Variants in MEIOC observed in about 807,000 individuals in gnomAD.
MEIOC encodes meiosis-specific coiled-coil domain-containing protein MEIOC.
Under a neutral mutation model 85.3 loss-of-function variants are expected in MEIOC, and 9 were observed. The ratio of observed to expected loss-of-function variants is 0.11; its 90% confidence interval spans 0.06 to 0.18. The LOEUF is 0.18. MEIOC is among the 10% of genes least tolerant of loss of function. The pLI is 1.00. For synonymous variants in MEIOC, 365 were observed against 393.7 expected (o/e 0.93, Z 0.86); for missense variants, 898 against 1,129.4 (o/e 0.80, Z 2.94).
intron 6 of MEIOC, 52 bp downstream of exon 6, chr17:44,669,569 TA>T (rs1211570397): frequency 1.3e-6 from 2 of 1,540,696 alleles, no homozygotes; most frequent in South Asian, 2.4e-5. Context: ...AAATTTTTTT[TA>T]AGTTTCAGGC....
chr17:44,665,617 G>T, intron 4 of MEIOC, 129 bp downstream of exon 4: 1 of 403,428 alleles, frequency 2.5e-6, no homozygotes. Flanking sequence ...TTCAAATATT[G>T]TTTCAAGGAG....
Position 44,666,671 on chromosome 17 carries a change from G to T in MEIOC, c.760G>T (p.Asp254Tyr), listed in dbSNP as rs765646880. Residue 254 changes from aspartate (D) to tyrosine (Y), a missense_variant, in exon 5 of 8, where the codon GAT becomes TAT. Asp to Tyr is a radical substitution (Grantham distance 160). This residue lies in a region of MEIOC where 734 missense variants were observed against 860.1 expected (regional missense o/e 0.85). Transcript: ENST00000409122. Reference sequence around the variant, plus strand: ...TAACTGTCACAATATTCAGACAAATGATACAGCTAAGACAACATTCCAAGA... The same window carrying T: ...TAACTGTCACAATATTCAGACAAATTATACAGCTAAGACAACATTCCAAGA... The part of the protein sequence containing the change: ...HSNCHNIQTN[D>Y]TAKTTFQEYP... The T allele has an allele frequency of 1.9e-6, 3 of 1,612,088 alleles. No individual in the cohort carries two copies. Among genetic ancestry groups the T allele is most frequent in the Non-Finnish European group, 2.5e-6 (3 of 1,178,944 alleles).
Position 44,674,509 on chromosome 17 carries a change from T to A in MEIOC, c.*313T>A, listed in dbSNP as rs1051809489. On this transcript the variant is annotated 3_prime_UTR_variant, in exon 8 of 8. Coordinates refer to ENST00000409122, the MANE Select transcript of MEIOC (RefSeq NM_001145080.3). ...ATTCTGCCATGCAGGTAAATGCAAATGTGAAATTCTTCTAGGAGATAAATT... is the reference window on the plus strand; with the variant it reads ...ATTCTGCCATGCAGGTAAATGCAAAAGTGAAATTCTTCTAGGAGATAAATT... 1.9e-6 allele frequency: 2 copies of A among 1,050,516 alleles called. No homozygotes were observed. Among genetic ancestry groups the A allele is most frequent in the African/African-American group, 3.3e-5 (2 of 59,870 alleles). The allele number at this position is 1,050,516 out of a possible 1,614,324, so 65.1% of individuals were successfully genotyped here. A position where few individuals can be genotyped will look rare whatever the true frequency, so the allele number is the denominator to read the frequency against.
intron 6 of MEIOC, 28 bp from the exon 7 acceptor site, chr17:44,673,338 T>A (rs1972036179): frequency 6.6e-7 from 1 of 1,511,476 alleles, no homozygotes; most frequent in Non-Finnish European, 8.9e-7. Context: ...AGGACATGTC[T>A]TATCAAAATT....
In MEIOC at chr17:44,675,345, G is replaced by A. The variant is rs191340716; in HGVS notation, c.*1149G>A. 1.6e-4 allele frequency: 152 copies of A among 968,794 alleles called. 1 individual carries two copies. In the Middle Eastern group the frequency reaches 1.6e-3, roughly 10 times the overall value. 60.0% of individuals were successfully genotyped at this position (968,794 alleles called of 1,614,324 possible). A position where few individuals can be genotyped will look rare whatever the true frequency, so the allele number is the denominator to read the frequency against. Reference sequence around the variant, plus strand: ...TGTATAGAACTTGAGTAATTTATTCGTTAATATGAAATGTTGGTATTATGT... The same window carrying A: ...TGTATAGAACTTGAGTAATTTATTCATTAATATGAAATGTTGGTATTATGT... On this transcript the variant is annotated 3_prime_UTR_variant, in exon 8 of 8. Coordinates refer to ENST00000409122, the MANE Select transcript of MEIOC (RefSeq NM_001145080.3).
rs903997224 is a variant in MEIOC at position 44,656,549 on chromosome 17, GC to G, written c.-57del. 1,609 of 1,247,320 alleles carry G rather than the reference GC, an allele frequency of 1.3e-3. 9 individuals carry two copies. Among genetic ancestry groups the G allele is most frequent in the African/African-American group, 0.011 (720 of 62,778 alleles). 77.3% of individuals were successfully genotyped at this position (1,247,320 alleles called of 1,614,324 possible). ...CGGGCTGAGGGAGCCGGGCCTGGAC[GC>G]CCCCCCCATCACCCCCGTACCCCAG... On this transcript the variant is annotated 5_prime_UTR_variant, in exon 1 of 8. Transcript: ENST00000409122.
chr17:44,674,084 C>T lies in MEIOC; in HGVS notation c.2747C>T (p.Thr916Ile). ...LQMTLPKTAS[T>I]ADVVKPLQDT... The stretch of plus-strand genomic sequence containing the variant: ...ATGACCTTGCCAAAAACAGCCAGTA[C>T]AGCTGATGTGGTAAAGCCTTTACAA... The change falls in exon 8 of 8, where the codon ACA (threonine) becomes ATA (isoleucine). Residue 916 changes from threonine to isoleucine, a missense_variant. By Grantham distance (89) the Thr-to-Ile change is moderately conservative. Transcript: ENST00000409122. The T allele has an allele frequency of 1.9e-6, 3 of 1,551,702 alleles. No homozygotes were observed. Among genetic ancestry groups the T allele is most frequent in the South Asian group, 2.4e-5 (2 of 84,060 alleles).
At position 44,657,098 on chromosome 17, in the gene MEIOC, C is replaced by A. The variant is rs1163611944; in HGVS notation, c.70-29C>A. ...CCGGCGTCACCCTCGTGACCACTTT[C>A]TGATATTTCCTATTCCCGTGTGCTG... is the stretch of plus-strand genomic sequence containing the variant. On this transcript the variant is annotated intron_variant, in intron 1 of 7. Transcript: ENST00000409122. 3 of 1,538,844 alleles carry A rather than the reference C, an allele frequency of 1.9e-6. No individual in the cohort carries two copies. The Admixed American group carries it at 5.9e-5, about 30-fold the overall frequency.
At chr17:44,658,049 A>G (rs8072943) in intron 2 of MEIOC, among the ~76,000 whole-genome samples, 23,104 of 135,080 alleles carry the variant, frequency 0.17, 1,814 homozygotes, top group Middle Eastern at 0.32. Context: ...ACCGGGTTTC[A>G]CCATGTTCCC....
At chr17:44,661,768 TCTC>T (rs1378068121) in intron 2 of MEIOC, among the ~76,000 whole-genome samples, 1 of 151,900 alleles carries the variant, frequency 6.6e-6, no homozygotes, top group African/African-American at 2.4e-5. Flanking sequence ...GATGGTCTCA[TCTC>T]CTGACCTCGT....
chr17:44,663,670 T>TC (rs1340464814), intron 3 of MEIOC, among the ~76,000 whole-genome samples: 10 of 152,074 alleles, frequency 6.6e-5, no homozygotes, highest in African/African-American at 1.2e-4. Flanking sequence ...CTTAACCTTC[T>TC]CCCCCCGCCA....
intron 7 of MEIOC, 141 bp from the exon 8 acceptor site, chr17:44,673,835 A>G (rs963135508): frequency 4.2e-6 from 4 of 958,816 alleles, no homozygotes; most frequent in Non-Finnish European, 4.6e-6. Flanking sequence ...AAAGGACAGG[A>G]CTTTGGTTCA....
intron 4 of MEIOC, 87 bp from the exon 5 acceptor site, chr17:44,666,289 G>A (rs1404949264): frequency 1.7e-6 from 2 of 1,149,590 alleles, no homozygotes; most frequent in Non-Finnish European, 2.4e-6. Flanking sequence ...CAAGATAAAT[G>A]TTTTTGAAGA....
At position 44,667,147 on chromosome 17, in the gene MEIOC, C is replaced by A. The variant is rs748612319; in HGVS notation, c.1236C>A (p.Phe412Leu). Residue 412 changes from phenylalanine (F) to leucine (L), a missense_variant, in exon 5 of 8, where the codon TTC becomes TTA. Transcript: ENST00000409122. ...TEKQFAKEAVFTADFGLTSEY... is the reference protein window; with the variant it reads ...TEKQFAKEAVLTADFGLTSEY... ...AACAGTTTGCAAAGGAAGCAGTATT[C>A]ACTGCTGATTTTGGCTTAACATCAG... The A allele has an allele frequency of 1.2e-6, 2 of 1,613,858 alleles. No homozygotes were observed. The highest frequency in any genetic ancestry group is 1.7e-6 in the Non-Finnish European group (2 of 1,179,848).
chr17:44,677,084 A>C (rs569633729), downstream of MEIOC: 2 of 380,786 alleles, frequency 5.3e-6, no homozygotes, highest in African/African-American at 4.4e-5. Context: ...GACAAAAATC[A>C]AGGTGAGAAC....
At chr17:44,662,703 G>A (rs1477009612) in intron 3 of MEIOC, among the ~76,000 whole-genome samples, 2 of 152,186 alleles carry the variant, frequency 1.3e-5, no homozygotes, top group Non-Finnish European at 2.9e-5. Context: ...CCAGTCTGGA[G>A]TGCAGTGGCG....
chr17:44,661,796 G>A (rs1355990676), intron 2 of MEIOC, among the ~76,000 whole-genome samples: 3 of 151,874 alleles, frequency 2.0e-5, no homozygotes, highest in African/African-American at 7.3e-5. Context: ...CGCCCACCTC[G>A]GCCTCCCAAA....
intron 7 of MEIOC, 125 bp downstream of exon 7, chr17:44,673,671 A>G: frequency 1.2e-6 from 1 of 848,558 alleles, no homozygotes; most frequent in Non-Finnish European, 1.8e-6. Flanking sequence ...ATAAATTGGT[A>G]AATAATCTCC....
chr17:44,665,843 A>AT lies in MEIOC; in HGVS notation c.464+359dup, dbSNP rs200811283. Among the ~76,000 whole-genome samples, 1,414 of 152,264 alleles carry AT rather than the reference A, an allele frequency of 9.3e-3. 22 individuals are homozygous for AT. Among genetic ancestry groups the AT allele is most frequent in the African/African-American group, 0.032 (1,325 of 41,570 alleles). ...TACTACTATGCAGAAATACATATGG[A>AT]TTTTATTCATGTGTTAGAAAATTTT... On this transcript the variant is annotated intron_variant, in intron 4 of 7. Coordinates refer to ENST00000409122, the MANE Select transcript of MEIOC (RefSeq NM_001145080.3).
Sources: gnomAD v4.1 joint callset for allele counts (sites outside exome capture counted in the v4.1 genomes callset) on GRCh38, gnomAD v4.1.1 for gene constraint, gnomAD v4.1.1 regional missense constraint, MANE v1.5 for transcripts, NCBI Gene and HGNC (gene_info 2026-07-23, HGNC 2026-07-21) for gene names.